The following TBCK variants were observed in gnomAD, a reference collection of about 807,000 sequenced individuals.
The protein encoded by TBCK is TBC domain-containing protein kinase-like protein.
A neutral mutation model predicts 113.4 loss-of-function variants in TBCK; 99 were observed. The ratio of observed to expected loss-of-function variants is 0.87; its 90% CI spans 0.74 to 1.03. The LOEUF (loss-of-function observed/expected upper bound fraction) is 1.03, where lower values mean the gene tolerates loss of function less well. Among genes scored for constraint, TBCK ranks in the 50% least tolerant of loss-of-function variants. The probability of loss-of-function intolerance (pLI) is 0.00; values close to 1 mark genes in which losing one functional copy is unlikely to be tolerated. For missense variants in TBCK, 1,045 were observed against 1,061.3 expected (o/e 0.98, Z 0.21); for synonymous variants, 369 against 370.8 (o/e 1.00, Z 0.05).
chr4:106,261,197 AT>A, intron 4 of TBCK, among the ~76,000 whole-genome samples: 1 of 152,250 alleles, frequency 6.6e-6, no homozygotes, highest in South Asian at 2.1e-4. Context: ...AAATATTTAT[AT>A]TTAAAAACAG....
intron 22 of TBCK, among the ~76,000 whole-genome samples, chr4:106,178,633 T>C (rs953041080): frequency 3.9e-5 from 6 of 152,044 alleles, no homozygotes; most frequent in African/African-American, 1.2e-4. Context: ...TTTGCATATG[T>C]TGAATCATCA....
chr4:106,262,018 C>T (rs942535131), intron 4 of TBCK, 80 bp downstream of exon 4: 4 of 642,044 alleles, frequency 6.2e-6, no homozygotes, highest in African/African-American at 5.7e-5. Flanking sequence ...TCTATTGTTC[C>T]TCTGACTGAG....
chr4:106,316,510 C>CT (rs776084463), upstream of TBCK: 2 of 1,550,666 alleles, frequency 1.3e-6, no homozygotes, highest in South Asian at 2.4e-5. Context: ...TCATTGGGTC[C>CT]TTTCTCACTG....
chr4:106,273,796 A>G (rs186995439), intron 3 of TBCK, among the ~76,000 whole-genome samples: 2 of 152,352 alleles, frequency 1.3e-5, no homozygotes, highest in Admixed American at 6.5e-5. Context: ...AGGGGGTGTG[A>G]CCCTGCCAAC....
chr4:106,062,178 A>G (rs891474820), intron 25 of TBCK, among the ~76,000 whole-genome samples: 2 of 151,912 alleles, frequency 1.3e-5, no homozygotes, highest in African/African-American at 4.8e-5. Context: ...GTGATTAATA[A>G]TAGTTTCTAC....
intron 25 of TBCK, among the ~76,000 whole-genome samples, chr4:106,074,147 A>T (rs1398703809): frequency 6.6e-6 from 1 of 152,162 alleles, no homozygotes; most frequent in Non-Finnish European, 1.5e-5. Context: ...AATGAGATGA[A>T]CCAGGTACCT....
At chr4:106,279,221 T>C (rs1353848642) in intron 3 of TBCK, among the ~76,000 whole-genome samples, 16 of 152,234 alleles carry the variant, frequency 1.1e-4, no homozygotes, top group Non-Finnish European at 4.4e-5. Context: ...CTGAAGGAAC[T>C]GATTGAATAC....
At chr4:106,249,156 C>T (rs1761162573) in intron 7 of TBCK, among the ~76,000 whole-genome samples, 174 bp from the exon 8 acceptor site, 1 of 152,042 alleles carries the variant, frequency 6.6e-6, no homozygotes, top group African/African-American at 2.4e-5. Flanking sequence ...AAATGAAAAG[C>T]TTCAGATAAA....
chr4:106,185,292 C>A (rs986471989), intron 22 of TBCK, among the ~76,000 whole-genome samples: 3 of 151,994 alleles, frequency 2.0e-5, no homozygotes, highest in African/African-American at 4.8e-5. Flanking sequence ...TTTCTCCTAT[C>A]TAGTCTATGT....
At chr4:106,157,917 C>A (rs191196294) in intron 23 of TBCK, among the ~76,000 whole-genome samples, 16 of 152,154 alleles carry the variant, frequency 1.1e-4, no homozygotes, top group Middle Eastern at 6.8e-3. Context: ...TGATACAGTT[C>A]TTGATCTTTA....
At chr4:106,187,164 G>T (rs1264066506) in intron 22 of TBCK, among the ~76,000 whole-genome samples, 1 of 152,072 alleles carries the variant, frequency 6.6e-6, no homozygotes, top group Non-Finnish European at 1.5e-5. Context: ...TTTGAAATTG[G>T]GTAGTGTGAT....
At chr4:106,300,926 C>A (rs1481796618) in intron 2 of TBCK, among the ~76,000 whole-genome samples, 1 of 152,066 alleles carries the variant, frequency 6.6e-6, no homozygotes, top group Non-Finnish European at 1.5e-5. Context: ...TATAGTGAGA[C>A]TCCTGTCTCT....
intron 19 of TBCK, among the ~76,000 whole-genome samples, chr4:106,219,363 A>G (rs887331033): frequency 2.0e-5 from 3 of 151,976 alleles, no homozygotes; most frequent in African/African-American, 7.2e-5. Flanking sequence ...TAAAACTTAA[A>G]GTATAATAAT....
intron 23 of TBCK, among the ~76,000 whole-genome samples, chr4:106,148,813 C>T (rs1748136368): frequency 6.6e-6 from 1 of 152,180 alleles, no homozygotes. Flanking sequence ...CAGCCCCTAA[C>T]AGGAGAGTCA....
At chr4:106,180,114 T>C (rs1752166423) in intron 22 of TBCK, among the ~76,000 whole-genome samples, 1 of 152,020 alleles carries the variant, frequency 6.6e-6, no homozygotes, top group African/African-American at 2.4e-5. Flanking sequence ...AGTCTCTGCA[T>C]GTCTTCAAAG....
chr4:106,298,707 G>T (rs1766594366), intron 2 of TBCK, among the ~76,000 whole-genome samples: 1 of 152,140 alleles, frequency 6.6e-6, no homozygotes, highest in Non-Finnish European at 1.5e-5. Flanking sequence ...CAGTTGTTAA[G>T]ATACATGGTA....
intron 22 of TBCK, among the ~76,000 whole-genome samples, chr4:106,178,430 T>A (rs1751943535): frequency 6.6e-6 from 1 of 152,006 alleles, no homozygotes; most frequent in African/African-American, 2.4e-5. Flanking sequence ...TTTTTCCCTA[T>A]TCAGTGTAGT....
At chr4:106,157,574 G>T (rs1749272743) in intron 23 of TBCK, among the ~76,000 whole-genome samples, 4 of 152,104 alleles carry the variant, frequency 2.6e-5, no homozygotes, top group African/African-American at 9.7e-5. Context: ...TATCTTCTCT[G>T]AGGGTGGGCA....
intron 4 of TBCK, among the ~76,000 whole-genome samples, chr4:106,261,152 T>C (rs1273812294): frequency 6.6e-6 from 1 of 152,158 alleles, no homozygotes; most frequent in East Asian, 1.9e-4. Flanking sequence ...TAAAATTGGT[T>C]TGTCTTCTCA....
Sources: allele counts gnomAD v4.1 joint callset (sites outside exome capture counted in the v4.1 genomes callset), GRCh38; gene constraint gnomAD v4.1.1; transcripts MANE v1.5; gene names NCBI Gene and HGNC (gene_info 2026-07-23, HGNC 2026-07-21).